Variants in SLA observed in about 807,000 individuals in gnomAD.
The protein encoded by SLA is Src like adaptor, also known as src-like-adapter.
Under a neutral mutation model 30.3 loss-of-function variants are expected in SLA, and 16 were observed. The ratio of observed to expected loss-of-function variants is 0.53; its 90% CI spans 0.36 to 0.80. SLA has a LOEUF of 0.80. SLA is among the 30% of genes least tolerant of loss of function. The pLI is 0.01. For synonymous variants in SLA, 143 were observed against 137.8 expected, an observed-to-expected ratio of 1.04 and a Z score of -0.26; for missense variants, 310 against 345.2, an observed-to-expected ratio of 0.90 and a Z score of 0.81.
At chr8:133,067,393 G>C (rs749825794) in intron 2 of SLA, among the ~76,000 whole-genome samples, 2 of 152,192 alleles carry the variant, frequency 1.3e-5, no homozygotes, top group Non-Finnish European at 2.9e-5. Context: ...ACAAGGGCAG[G>C]CAGCCAGCTC....
At chr8:133,049,575 G>A (rs1006606632) in intron 5 of SLA, 18 of 329,374 alleles carry the variant, frequency 5.5e-5, no homozygotes, top group African/African-American at 2.3e-4. Flanking sequence ...TTTGAACCTA[G>A]ACACACTGAC....
chr8:133,040,956 A>G (rs2131085202), intron 7 of SLA, among the ~76,000 whole-genome samples: 1 of 151,692 alleles, frequency 6.6e-6, no homozygotes, highest in Non-Finnish European at 1.5e-5. Flanking sequence ...AAAATGTCTG[A>G]CTCTCAGGAT....
At chr8:133,047,769 G>T in intron 6 of SLA, 61 bp downstream of exon 6, 1 of 940,008 alleles carries the variant, frequency 1.1e-6, no homozygotes, top group Non-Finnish European at 1.8e-6. Context: ...TAATGAGTCA[G>T]CCAGGAGCAA....
chr8:133,044,976 T>C lies in SLA; in HGVS notation c.484+8A>G, dbSNP rs1191397688. 1 of 1,614,048 alleles carries C rather than the reference T, an allele frequency of 6.2e-7. No individual in the cohort carries two copies. ...CATCACAATCACTCCATATTGTATG[T>C]CTCTTACCAGAATAGTGGTTCACCA... On this transcript the variant is annotated splice_region_variant and intron_variant, in intron 7 of 8. Transcript: ENST00000338087.
intron 3 of SLA, among the ~76,000 whole-genome samples, chr8:133,053,547 A>C (rs997752916): frequency 6.6e-6 from 1 of 152,154 alleles, no homozygotes; most frequent in Non-Finnish European, 1.5e-5. Flanking sequence ...CTTGCAAAAA[A>C]CGTGTTGAAA....
chr8:133,060,491 C>T (rs1196307645), intron 2 of SLA: 3 of 857,104 alleles, frequency 3.5e-6, no homozygotes, highest in Non-Finnish European at 5.1e-6. Context: ...TAAGCAGCCA[C>T]AGCAGGGTTT....
In SLA at chr8:133,036,884, A is replaced by T. The variant is rs1207375316; in HGVS notation, c.*1640T>A. 6.6e-6 allele frequency: 1 copy of T among 152,554 alleles called. No individual in the cohort carries two copies. Among genetic ancestry groups the T allele is most frequent in the Non-Finnish European group, 1.5e-5 (1 of 68,052 alleles). The allele number at this position is 152,554 out of a possible 1,614,324, so 9.5% of individuals were successfully genotyped here. ...GAAAACAACACATAAGATACTGTGC[A>T]GACATCTGGAGTTCAGGGGGTCACC... On this transcript the variant is annotated 3_prime_UTR_variant, in exon 9 of 9. Transcript: ENST00000338087.
Position 133,038,479 on chromosome 8 carries a change from G to T in SLA, c.*45C>A. ...TTCGCAAGATCCCAGGCAATAGTTGGAACTTCTGTTCCTTTTGGGCATGAA... is the reference window on the plus strand; with the variant it reads ...TTCGCAAGATCCCAGGCAATAGTTGTAACTTCTGTTCCTTTTGGGCATGAA... On this transcript the variant is annotated 3_prime_UTR_variant, in exon 9 of 9. Coordinates refer to ENST00000338087, the MANE Select transcript of SLA (RefSeq NM_001045556.3). The T allele has an allele frequency of 6.9e-7, 1 of 1,447,516 alleles. No homozygotes were observed. Among genetic ancestry groups the T allele is most frequent in the South Asian group, 1.1e-5 (1 of 87,522 alleles). The allele number at this position is 1,447,516 out of a possible 1,614,324, so 89.7% of individuals were successfully genotyped here. A position where few individuals can be genotyped will look rare whatever the true frequency, so the allele number is the denominator to read the frequency against.
At chr8:133,093,117 G>T (rs1223231091) in intron 1 of SLA, among the ~76,000 whole-genome samples, 1 of 117,488 alleles carries the variant, frequency 8.5e-6, no homozygotes, top group Non-Finnish European at 1.8e-5. Context: ...GTGTGTGTGT[G>T]TGTTTTCTTT....
chr8:133,097,873 T>C (rs189806460), intron 1 of SLA, among the ~76,000 whole-genome samples: 1 of 152,262 alleles, frequency 6.6e-6, no homozygotes, highest in East Asian at 1.9e-4. Flanking sequence ...GCATGTGAAG[T>C]TGATTTCTGA....
intron 1 of SLA, among the ~76,000 whole-genome samples, chr8:133,100,882 A>G (rs1849139113): frequency 6.6e-6 from 1 of 152,232 alleles, no homozygotes; most frequent in Non-Finnish European, 1.5e-5. Context: ...AGCCTAAGTG[A>G]AGTAACTCAT....
chr8:133,060,541 T>C (rs1842221312), intron 2 of SLA, among the ~76,000 whole-genome samples: 1 of 152,110 alleles, frequency 6.6e-6, no homozygotes, highest in Non-Finnish European at 1.5e-5. Context: ...GCCCAGAAAG[T>C]ATCTCCACTC....
rs1844672682 is a variant in SLA at position 133,075,194 on chromosome 8, C to G, written c.-318-64G>C. 9.1e-6 allele frequency: 8 copies of G among 883,778 alleles called. No homozygotes were observed. In the South Asian group the frequency reaches 4.2e-4, roughly 46 times the overall value. The allele number at this position is 883,778 out of a possible 1,614,324, so 54.7% of individuals were successfully genotyped here. A position where few individuals can be genotyped will look rare whatever the true frequency, so the allele number is the denominator to read the frequency against. On this transcript the variant is annotated intron_variant, in intron 1 of 8. Transcript: ENST00000338087. ...ATTTGAGAATATGGCCAGCTTAACT[C>G]TGGATTCTGGAATTTCAGAAGCTTG...
chr8:133,038,957 A>C (rs1837619277), intron 8 of SLA, among the ~76,000 whole-genome samples: 1 of 152,160 alleles, frequency 6.6e-6, no homozygotes, highest in Non-Finnish European at 1.5e-5. Flanking sequence ...TGCTCACTGC[A>C]ACCTCTGCCT....
chr8:133,050,909 T>C lies in SLA; in HGVS notation c.68A>G (p.Asp23Gly), dbSNP rs373780212. 35 of 1,611,104 alleles carry C rather than the reference T, an allele frequency of 2.2e-5. No homozygotes were observed. The highest frequency in any genetic ancestry group is 1.6e-5 in the Non-Finnish European group (19 of 1,177,298). ...ERPLPNPEGL[D>G]SDFLAVLSDY... ...ACTTAGCACGGCAAGGAAGTCGCTA[T>C]CCAGTCCTGGGGAAACAAAGGCAAG... The change falls in exon 4 of 9, where the codon GAT becomes GGT. Residue 23 changes from aspartate (D) to glycine (G), a missense_variant. Asp to Gly is a moderately conservative substitution (Grantham distance 94). Transcript: ENST00000338087.
chr8:133,045,638 G>C (rs150889921), intron 6 of SLA, among the ~76,000 whole-genome samples: 1 of 151,920 alleles, frequency 6.6e-6, no homozygotes. Context: ...CAAGTGATCC[G>C]CCCACCTCGG....
rs146491847 is a variant in SLA, at chr8:133,095,139, A to T, written c.-319+7414T>A. ...CAAAGGAGGTCAGTTGCCCCATGTC[A>T]TCCAGCCAAGAAGTGGTGTCCTGCC... On this transcript the variant is annotated intron_variant, in intron 1 of 8. Transcript: ENST00000338087. 557 of 1,614,110 alleles carry T rather than the reference A, an allele frequency of 3.5e-4. No homozygotes were observed. The highest frequency in any genetic ancestry group is 4.2e-4 in the Non-Finnish European group (496 of 1,180,038).
At chr8:133,077,735 A>ATGTGTGTGTG (rs34749093) in intron 1 of SLA, among the ~76,000 whole-genome samples, 17 of 148,174 alleles carry the variant, frequency 1.1e-4, no homozygotes, top group East Asian at 4.0e-4. Context: ...TCTGGTGTGT[A>ATGTGTGTGTG]TGTGTGTGTG....
At chr8:133,097,599 A>T (rs1351633128) in intron 1 of SLA, among the ~76,000 whole-genome samples, 1 of 152,262 alleles carries the variant, frequency 6.6e-6, no homozygotes, top group Non-Finnish European at 1.5e-5. Flanking sequence ...TCATATTTTT[A>T]AAAACCAACC....
Sources: allele counts gnomAD v4.1 joint callset (sites outside exome capture counted in the v4.1 genomes callset), GRCh38; gene constraint gnomAD v4.1.1; transcripts MANE v1.5; gene names NCBI Gene and HGNC (gene_info 2026-07-23, HGNC 2026-07-21).